Variants in TCF3 observed in about 807,000 individuals in gnomAD.
TCF3 encodes transcription factor 3.
Under a neutral mutation model 72.3 loss-of-function variants are expected in TCF3, and 54 were observed. The ratio of observed to expected loss-of-function variants is 0.75; its 90% CI spans 0.60 to 0.94. The LOEUF (loss-of-function observed/expected upper bound fraction) is 0.94. Among genes scored for constraint, TCF3 ranks in the 40% least tolerant of loss-of-function variants. The pLI is 0.00. For missense variants in TCF3, 1,078 were observed against 934.4 expected, an observed-to-expected ratio of 1.15 and a Z score of -2.00; for synonymous variants, 525 against 412.6, an observed-to-expected ratio of 1.27 and a Z score of -3.30.
chr19:1,624,267 G>A (rs1052636977), intron 7 of TCF3, among the ~76,000 whole-genome samples: 1 of 152,082 alleles, frequency 6.6e-6, no homozygotes, highest in Non-Finnish European at 1.5e-5. Context: ...GTGGTGGCGG[G>A]TGCCTATAAT....
chr19:1,638,371 TTTTG>T (rs549131803), intron 3 of TCF3, among the ~76,000 whole-genome samples: 124 of 152,338 alleles, frequency 8.1e-4, no homozygotes, highest in African/African-American at 2.4e-3. Context: ...TTTTTGTTTT[TTTTG>T]TTTGTTTGTT....
chr19:1,632,634 G>A (rs932312927), intron 3 of TCF3, among the ~76,000 whole-genome samples: 11 of 152,016 alleles, frequency 7.2e-5, no homozygotes, highest in East Asian at 1.9e-4. Context: ...TAACTCTTCC[G>A]TCGGCTCTCT....
At chr19:1,624,328 A>G (rs1197223440) in intron 7 of TCF3, among the ~76,000 whole-genome samples, 1 of 152,118 alleles carries the variant, frequency 6.6e-6, no homozygotes, top group Non-Finnish European at 1.5e-5. Flanking sequence ...CCCGGGAGGC[A>G]GAGGCTGCAG....
At chr19:1,645,104 T>C (rs1419045795) in intron 3 of TCF3, among the ~76,000 whole-genome samples, 1 of 152,042 alleles carries the variant, frequency 6.6e-6, no homozygotes, top group Non-Finnish European at 1.5e-5. Context: ...TGTCTCTCCA[T>C]GTGGGGGTGC....
intron 6 of TCF3, 152 bp from the exon 7 acceptor site, chr19:1,625,860 C>T (rs2146278477): frequency 9.8e-7 from 1 of 1,016,994 alleles, no homozygotes; most frequent in Non-Finnish European, 1.3e-6. Flanking sequence ...CTCTGTGACA[C>T]CTGCTGTGTT....
At chr19:1,612,990 G>C (rs917547098) in intron 18 of TCF3, among the ~76,000 whole-genome samples, 1 of 150,298 alleles carries the variant, frequency 6.7e-6, no homozygotes, top group Non-Finnish European at 1.5e-5. Context: ...GGCTGGTGCT[G>C]CTGTGGGCAG....
Position 1,619,784 on chromosome 19 carries a change from C to A in TCF3, c.1163G>T (p.Gly388Val). 6.4e-7 allele frequency: 1 copy of A among 1,553,802 alleles called. No individual in the cohort carries two copies. Among genetic ancestry groups the A allele is most frequent in the East Asian group, 2.4e-5 (1 of 41,122 alleles). Residue 388 changes from glycine (G) to valine (V), a missense_variant, in exon 14 of 19, where the codon GGC becomes GTC. By Grantham distance (109) the Gly-to-Val change is moderately radical. Coordinates refer to ENST00000262965, the MANE Select transcript of TCF3 (RefSeq NM_003200.5). ...TGGGGCGGGGCAGGCACTCACCAGG[C>A]CGTGGAGACCCCCGTCGTAGCTGGG... Reference protein sequence around the residue: ...LSPSYDGGLHGLQSKIEDHLD... With the variant: ...LSPSYDGGLHVLQSKIEDHLD...
At position 1,621,960 on chromosome 19, in the gene TCF3, A is replaced by T. The variant is rs1350803580; in HGVS notation, c.833T>A (p.Leu278Gln). 1 of 1,606,112 alleles carries T rather than the reference A, an allele frequency of 6.2e-7. No homozygotes were observed. Among genetic ancestry groups the T allele is most frequent in the Non-Finnish European group, 8.5e-7 (1 of 1,176,766 alleles). Reference sequence around the variant, plus strand: ...CCCACCGTTCACCTCTGCTCCATGCAGCTGGTAGCCCTGGGGGGTCAGGCA... The same window carrying T: ...CCCACCGTTCACCTCTGCTCCATGCTGCTGGTAGCCCTGGGGGGTCAGGCA... ...LHQHERMGYQLHGAEVNGGLP... is the reference protein window; with the variant it reads ...LHQHERMGYQQHGAEVNGGLP... The change falls in exon 11 of 19, where the codon CTG becomes CAG. Residue 278 changes from leucine (L) to glutamine (Q), a missense_variant. Coordinates refer to ENST00000262965, the MANE Select transcript of TCF3 (RefSeq NM_003200.5).
At chr19:1,648,200 C>G (rs1408591037) in intron 2 of TCF3, among the ~76,000 whole-genome samples, 1 of 152,314 alleles carries the variant, frequency 6.6e-6, no homozygotes, top group East Asian at 1.9e-4. Flanking sequence ...CGCATCTGGT[C>G]CAGGGAAGTA....
At chr19:1,626,651 G>A (rs954669789) in intron 6 of TCF3, among the ~76,000 whole-genome samples, 14 of 152,260 alleles carry the variant, frequency 9.2e-5, no homozygotes, top group Admixed American at 2.6e-4. Context: ...TGGGGAGCCC[G>A]GGCACTTGCG....
intron 4 of TCF3, 93 bp from the exon 5 acceptor site, chr19:1,632,209 A>C: frequency 1.9e-6 from 3 of 1,553,762 alleles, no homozygotes; most frequent in Middle Eastern, 1.7e-4. Context: ...ACTCAAACCC[A>C]TGTCCCCCAG....
At chr19:1,646,988 T>C (rs984886600) in intron 2 of TCF3, among the ~76,000 whole-genome samples, 3 of 152,086 alleles carry the variant, frequency 2.0e-5, no homozygotes, top group Non-Finnish European at 2.9e-5. Flanking sequence ...CTACCAGGGC[T>C]GGGTATGGGT....
chr19:1,618,518 C>T (rs1482218271), intron 16 of TCF3, among the ~76,000 whole-genome samples: 1 of 143,508 alleles, frequency 7.0e-6, no homozygotes, highest in South Asian at 2.4e-4. Flanking sequence ...CTCCCCCCTT[C>T]CCTCTCTCCC....
chr19:1,620,481 G>A (rs1351195982), intron 13 of TCF3, among the ~76,000 whole-genome samples: 1 of 152,206 alleles, frequency 6.6e-6, no homozygotes, highest in Non-Finnish European at 1.5e-5. Context: ...TGAGCAAATG[G>A]CAACACGCAC....
Position 1,611,654 on chromosome 19 carries a change from G to C in TCF3, c.*53C>G, listed in dbSNP as rs1161695699. On this transcript the variant is annotated 3_prime_UTR_variant, in exon 19 of 19. Transcript: ENST00000262965. ...CCCGGGGTCTCGAGTGGCCGTTCTG[G>C]GGCCAGAGCACAGGGCTGAAAGCGG... The C allele has an allele frequency of 6.4e-7, 1 of 1,572,820 alleles. No individual in the cohort carries two copies. Among genetic ancestry groups the C allele is most frequent in the African/African-American group, 1.4e-5 (1 of 73,672 alleles).
intron 1 of TCF3, among the ~76,000 whole-genome samples, chr19:1,652,014 G>A (rs2067182592): frequency 6.7e-6 from 1 of 150,200 alleles, no homozygotes; most frequent in South Asian, 2.1e-4. Flanking sequence ...CCCGTCCGGC[G>A]CCCCCCGCGC....
rs983222154 is a variant in TCF3 at position 1,614,348 on chromosome 19, G to A, written c.1822+937C>T. Among the ~76,000 whole-genome samples the A allele has an allele frequency of 3.9e-5, 6 of 152,184 alleles. No homozygotes were observed. Among genetic ancestry groups the A allele is most frequent in the East Asian group, 1.9e-4 (1 of 5,184 alleles). ...CTGGTTTCTTCCCGCAAGCCCTGAC[G>A]GGGGGCTTTGGGGGAGGAAACGCCC... is the stretch of plus-strand genomic sequence containing the variant. On this transcript the variant is annotated intron_variant, in intron 18 of 18. Transcript: ENST00000262965. The surrounding 1 kb of genome is among the most constrained non-coding windows in gnomAD (Gnocchi z 5.6).
intron 3 of TCF3, among the ~76,000 whole-genome samples, chr19:1,644,008 C>T (rs1012656711): frequency 1.2e-4 from 19 of 152,230 alleles, no homozygotes; most frequent in African/African-American, 4.6e-4. Flanking sequence ...GGAAGCTGCA[C>T]CCACTGTTCC....
In TCF3 at chr19:1,615,409, G is replaced by A. The variant is rs747903067; in HGVS notation, c.1698C>T (p.Asn566=). 13 of 1,613,858 alleles carry A rather than the reference G, an allele frequency of 8.1e-6. No individual in the cohort carries two copies. Among genetic ancestry groups the A allele is most frequent in the African/African-American group, 8.0e-5 (6 of 74,926 alleles). The change falls in exon 18 of 19, where the codon AAC becomes AAT. Residue 566 remains asparagine, a synonymous_variant. Coordinates refer to ENST00000262965, the MANE Select transcript of TCF3 (RefSeq NM_003200.5). This position sits in a 1 kb window ranked among gnomAD's most constrained non-coding sequence, Gnocchi z 7.3. The part of the protein sequence containing the change: ...ARERLRVRDI[N]EAFKELGRMC... ...TGCGCCCCAGCTCCTTAAAGGCCTC[G>A]TTGATGTCACGGACCCGCAGCCGCT...
Sources: allele counts gnomAD v4.1 joint callset (sites outside exome capture counted in the v4.1 genomes callset), GRCh38; gene constraint gnomAD v4.1.1; non-coding constraint Gnocchi (gnomAD v3.1); transcripts MANE v1.5; gene names NCBI Gene and HGNC (gene_info 2026-07-23, HGNC 2026-07-21).